GSTCD: variants seen among roughly 807,000 people sequenced by gnomAD.
GSTCD encodes glutathione S-transferase C-terminal domain-containing protein.
Under a neutral mutation model 68.3 loss-of-function variants are expected in GSTCD, and 44 were observed. The ratio of observed to expected loss-of-function variants is 0.64; its 90% confidence interval spans 0.51 to 0.83. GSTCD has a LOEUF of 0.83. Ranked by LOEUF, GSTCD falls within the 40% of genes least tolerant of loss-of-function variation. The pLI is 0.00. For synonymous variants in GSTCD, 273 were observed against 255.2 expected, an observed-to-expected ratio of 1.07 and a Z score of -0.67; for missense variants, 739 against 735.9, an observed-to-expected ratio of 1.00 and a Z score of -0.05.
intron 5 of GSTCD, among the ~76,000 whole-genome samples, chr4:105,791,447 T>G (rs1046737451): frequency 1.3e-5 from 2 of 151,862 alleles, no homozygotes; most frequent in Non-Finnish European, 2.9e-5. Context: ...GTAGAACTAT[T>G]TGGTTGTTGA....
rs574197905 is a variant in GSTCD, at chr4:105,808,773, G to A, written c.1241-14181G>A. 1.2e-4 allele frequency among the ~76,000 whole-genome samples: 18 copies of A among 152,196 alleles called. No homozygotes were observed. The South Asian group carries it at 3.3e-3, about 28-fold the overall frequency. On this transcript the variant is annotated intron_variant, in intron 5 of 11. Transcript: ENST00000515279. ...ATAAACAATTTATAACTTTTAAATA[G>A]CACATCATTCTAAGTAGCATGATGA...
At chr4:105,810,986 T>A (rs747281646) in intron 5 of GSTCD, among the ~76,000 whole-genome samples, 38 of 152,132 alleles carry the variant, frequency 2.5e-4, no homozygotes, top group Non-Finnish European at 5.0e-4. Context: ...CAAGTAGGCA[T>A]TTTTAGGCAA....
chr4:105,738,318 G>T (rs955015340), intron 5 of GSTCD, among the ~76,000 whole-genome samples: 1 of 152,156 alleles, frequency 6.6e-6, no homozygotes, highest in East Asian at 1.9e-4. Context: ...AAAATAGGTT[G>T]TATGAGGCCT....
chr4:105,834,412 C>T, intron 8 of GSTCD, 49 bp from the exon 9 acceptor site: 1 of 1,585,378 alleles, frequency 6.3e-7, no homozygotes, highest in Middle Eastern at 1.7e-4. Flanking sequence ...AAAAATTGCA[C>T]TGTGAGTTAA....
At position 105,800,992 on chromosome 4, in the gene GSTCD, A is replaced by T. The variant is rs368557323; in HGVS notation, c.1241-21962A>T. Among the ~76,000 whole-genome samples, 7 of 152,272 alleles carry T rather than the reference A, an allele frequency of 4.6e-5. No homozygotes were observed. The East Asian group carries it at 7.7e-4, about 17-fold the overall frequency. On this transcript the variant is annotated intron_variant, in intron 5 of 11. Coordinates refer to ENST00000515279, the MANE Select transcript of GSTCD (RefSeq NM_001370181.1). ...AACATAAATTTTCTCTATAAGGCAC[A>T]TCACAGCCTTCTTGTACTTAGGAAA...
At chr4:105,759,249 TAGAAA>T (rs1560815189) in intron 5 of GSTCD, among the ~76,000 whole-genome samples, 1 of 152,150 alleles carries the variant, frequency 6.6e-6, no homozygotes, top group East Asian at 1.9e-4. Context: ...AGAATTTGTT[TAGAAA>T]AGTCTTTTTA....
At chr4:105,727,939 T>C (rs988090222) in intron 4 of GSTCD, among the ~76,000 whole-genome samples, 3 of 152,284 alleles carry the variant, frequency 2.0e-5, no homozygotes, top group Middle Eastern at 3.4e-3. Context: ...GGTTAGGAAG[T>C]ATTTGAGTTC....
chr4:105,816,486 A>G (rs917501889), intron 5 of GSTCD, among the ~76,000 whole-genome samples: 2 of 152,126 alleles, frequency 1.3e-5, no homozygotes, highest in African/African-American at 4.8e-5. Flanking sequence ...CCTTAGCAAT[A>G]TATTCTAAAA....
At chr4:105,818,697 C>A (rs975598514) in intron 5 of GSTCD, among the ~76,000 whole-genome samples, 12 of 151,658 alleles carry the variant, frequency 7.9e-5, no homozygotes, top group Admixed American at 2.6e-4. Flanking sequence ...AGCTATGGAA[C>A]AACGAGACAG....
At chr4:105,790,983 A>C (rs1394096405) in intron 5 of GSTCD, among the ~76,000 whole-genome samples, 2 of 152,080 alleles carry the variant, frequency 1.3e-5, no homozygotes, top group Admixed American at 1.3e-4. Context: ...CCTCTACTTA[A>C]GAACCACTTT....
chr4:105,727,785 T>A (rs1733092276), intron 4 of GSTCD, among the ~76,000 whole-genome samples: 2 of 152,184 alleles, frequency 1.3e-5, no homozygotes. Context: ...AACAATGGGC[T>A]TTCCTTTCCC....
intron 5 of GSTCD, among the ~76,000 whole-genome samples, chr4:105,785,568 G>A (rs908267440): frequency 7.2e-5 from 11 of 152,050 alleles, no homozygotes; most frequent in African/African-American, 2.4e-4. Context: ...CATAAAAAAG[G>A]CATTTGATAA....
intron 5 of GSTCD, among the ~76,000 whole-genome samples, chr4:105,733,489 A>G (rs1462534448): frequency 6.6e-6 from 1 of 152,146 alleles, no homozygotes; most frequent in Non-Finnish European, 1.5e-5. Context: ...AGTCTGTTTT[A>G]ACAGAGACTA....
intron 5 of GSTCD, among the ~76,000 whole-genome samples, chr4:105,735,062 C>T (rs1003894337): frequency 2.0e-5 from 3 of 152,130 alleles, no homozygotes; most frequent in Admixed American, 6.6e-5. Flanking sequence ...GAGGGGTACC[C>T]GGCCGTGTTA....
intron 5 of GSTCD, among the ~76,000 whole-genome samples, chr4:105,747,667 A>G (rs1487053622): frequency 6.6e-6 from 1 of 152,202 alleles, no homozygotes; most frequent in Non-Finnish European, 1.5e-5. Flanking sequence ...AACTATAAGA[A>G]TGTCTATTTT....
intron 5 of GSTCD, among the ~76,000 whole-genome samples, chr4:105,731,503 G>T (rs1468813240): frequency 6.6e-6 from 1 of 151,976 alleles, no homozygotes; most frequent in African/African-American, 2.4e-5. Context: ...ATTGTGAATG[G>T]GAGTTCACTC....
At chr4:105,765,874 C>T (rs1327453306) in intron 5 of GSTCD, among the ~76,000 whole-genome samples, 1 of 152,190 alleles carries the variant, frequency 6.6e-6, no homozygotes, top group Non-Finnish European at 1.5e-5. Flanking sequence ...GACGTGTTTG[C>T]TTCCCCTTCC....
intron 1 of GSTCD, among the ~76,000 whole-genome samples, chr4:105,717,190 C>T (rs950095825): frequency 6.6e-6 from 1 of 152,100 alleles, no homozygotes. Context: ...AAAAAAGAAG[C>T]AGTATGGAAG....
At chr4:105,735,847 A>G (rs1319969038) in intron 5 of GSTCD, among the ~76,000 whole-genome samples, 1 of 152,152 alleles carries the variant, frequency 6.6e-6, no homozygotes. Flanking sequence ...ATTTTGAAAA[A>G]AAAAATTCCA....
Sources: gnomAD v4.1 joint callset for allele counts (sites outside exome capture counted in the v4.1 genomes callset) on GRCh38, gnomAD v4.1.1 for gene constraint, MANE v1.5 for transcripts, NCBI Gene and HGNC (gene_info 2026-07-23, HGNC 2026-07-21) for gene names.